KIF26B: variants seen among roughly 807,000 people sequenced by gnomAD.
The protein encoded by KIF26B is kinesin family member 26B.
KIF26B carries 63 observed loss-of-function variants against 151.2 expected under a neutral mutation model. The ratio of observed to expected loss-of-function variants is 0.42; its 90% CI spans 0.34 to 0.51. The LOEUF (loss-of-function observed/expected upper bound fraction) is 0.51, where lower values mean the gene tolerates loss of function less well. Ranked by LOEUF, KIF26B falls within the 20% of genes least tolerant of loss-of-function variation. KIF26B has a pLI of 0.07. For synonymous variants in KIF26B, 1,357 were observed against 1,262.1 expected (o/e 1.08, Z -1.59); for missense variants, 2,813 against 2,913.6 (o/e 0.97, Z 0.79).
At chr1:245,668,742 T>C (rs1011391160) in intron 10 of KIF26B, among the ~76,000 whole-genome samples, 1 of 152,022 alleles carries the variant, frequency 6.6e-6, no homozygotes, top group Non-Finnish European at 1.5e-5. Context: ...CAGGCTGGAG[T>C]GCAGTGGCAC....
intron 4 of KIF26B, among the ~76,000 whole-genome samples, chr1:245,423,608 T>C (rs2103038000): frequency 6.6e-6 from 1 of 151,994 alleles, no homozygotes; most frequent in African/African-American, 2.4e-5. Context: ...AAACCCCCAA[T>C]TTGTTGAAGA....
intron 2 of KIF26B, among the ~76,000 whole-genome samples, chr1:245,182,216 A>G (rs992103495): frequency 1.3e-5 from 2 of 152,228 alleles, no homozygotes; most frequent in African/African-American, 4.8e-5. Flanking sequence ...ATGGCCCATT[A>G]TCAGTCAGTC....
At chr1:245,445,793 T>C (rs887656318) in intron 4 of KIF26B, among the ~76,000 whole-genome samples, 1 of 152,164 alleles carries the variant, frequency 6.6e-6, no homozygotes, top group African/African-American at 2.4e-5. Context: ...TGGCTACCTT[T>C]ACACCCATCA....
At chr1:245,411,244 C>T (rs1264677342) in intron 3 of KIF26B, among the ~76,000 whole-genome samples, 1 of 152,210 alleles carries the variant, frequency 6.6e-6, no homozygotes, top group Admixed American at 6.5e-5. Context: ...TTCTGGGTAG[C>T]TCTGGTGTGC....
At chr1:245,354,081 G>C (rs1672628720) in intron 2 of KIF26B, among the ~76,000 whole-genome samples, 1 of 152,048 alleles carries the variant, frequency 6.6e-6, no homozygotes, top group African/African-American at 2.4e-5. Context: ...TCAGCCTGGG[G>C]CACCTCCCGC....
chr1:245,286,108 G>C (rs574074600), intron 2 of KIF26B, among the ~76,000 whole-genome samples: 15 of 152,214 alleles, frequency 9.9e-5, no homozygotes, highest in African/African-American at 2.9e-4. Flanking sequence ...GGCAGGGTAG[G>C]GCTCCTGAGA....
intron 2 of KIF26B, among the ~76,000 whole-genome samples, chr1:245,266,515 C>CTT (rs539399417): frequency 2.7e-5 from 4 of 146,602 alleles, no homozygotes; most frequent in Admixed American, 2.0e-4. Flanking sequence ...TTCTTTCTTT[C>CTT]TTTTTTTTTT....
rs1016945032 is a variant in KIF26B, at chr1:245,705,307, C to A, written c.*2701C>A. The A allele has an allele frequency of 6.6e-6, 1 of 152,156 alleles. No individual in the cohort carries two copies. Among genetic ancestry groups the A allele is most frequent in the Admixed American group, 6.5e-5 (1 of 15,286 alleles). The allele number at this position is 152,156 out of a possible 1,614,324, so 9.4% of individuals were successfully genotyped here. ...TTTTTTGACCTAAATAAGCTGCAAACATGTTAATTTACCAATATTGATAAA... is the reference window on the plus strand; with the variant it reads ...TTTTTTGACCTAAATAAGCTGCAAAAATGTTAATTTACCAATATTGATAAA... On this transcript the variant is annotated 3_prime_UTR_variant, in exon 15 of 15. Transcript: ENST00000407071.
chr1:245,443,264 G>C (rs1439450120), intron 4 of KIF26B, among the ~76,000 whole-genome samples: 1 of 134,188 alleles, frequency 7.5e-6, no homozygotes, highest in African/African-American at 2.9e-5. Flanking sequence ...TTAGAGGAGA[G>C]GTCATCTCCC....
At chr1:245,176,037 C>A (rs547486764) in intron 2 of KIF26B, among the ~76,000 whole-genome samples, 1 of 151,344 alleles carries the variant, frequency 6.6e-6, no homozygotes, top group Non-Finnish European at 1.5e-5. Flanking sequence ...GACAGAGTCT[C>A]ACTCTTGTTG....
chr1:245,169,797 G>A (rs1668680187), intron 2 of KIF26B, among the ~76,000 whole-genome samples: 1 of 152,062 alleles, frequency 6.6e-6, no homozygotes, highest in Non-Finnish European at 1.5e-5. Context: ...CCTCCATAAT[G>A]CCCCTTTATG....
intron 2 of KIF26B, among the ~76,000 whole-genome samples, chr1:245,222,486 C>G (rs1033801349): frequency 6.6e-6 from 1 of 152,050 alleles, no homozygotes; most frequent in Non-Finnish European, 1.5e-5. Context: ...TAGAGGCTTA[C>G]ACAATTAATT....
In KIF26B at chr1:245,423,120, A is replaced by AAAG. The variant is rs1553273079; in HGVS notation, c.1166+3375_1166+3376insAAG. ...CTCAAAAAAAAAAAAAAAAAAGGAA[A>AAAG]GAAAGAAAGAAAGAAGCAACAGCTA... On this transcript the variant is annotated intron_variant, in intron 4 of 14. Coordinates refer to ENST00000407071, the MANE Select transcript of KIF26B (RefSeq NM_018012.4). 2.3e-3 allele frequency among the ~76,000 whole-genome samples: 331 copies of AAAG among 146,064 alleles called. 4 individuals are homozygous for AAAG. The highest frequency in any genetic ancestry group is 7.7e-3 in the African/African-American group (294 of 38,312).
chr1:245,458,761 C>T (rs529648330), intron 4 of KIF26B, among the ~76,000 whole-genome samples: 1 of 152,320 alleles, frequency 6.6e-6, no homozygotes, highest in South Asian at 2.1e-4. Flanking sequence ...GTCTTCTGAC[C>T]AGATTCTTTG....
chr1:245,421,517 T>C (rs1351217615), intron 4 of KIF26B, among the ~76,000 whole-genome samples: 1 of 152,082 alleles, frequency 6.6e-6, no homozygotes, highest in Non-Finnish European at 1.5e-5. Flanking sequence ...AGATCAAAGT[T>C]ATGTTGAGTA....
intron 2 of KIF26B, among the ~76,000 whole-genome samples, chr1:245,291,538 A>G (rs1671252882): frequency 6.6e-6 from 1 of 152,074 alleles, no homozygotes; most frequent in Admixed American, 6.6e-5. Flanking sequence ...CCTCCTATTC[A>G]ATGGGTGATA....
At chr1:245,338,540 C>T (rs1171065251) in intron 2 of KIF26B, among the ~76,000 whole-genome samples, 5 of 152,202 alleles carry the variant, frequency 3.3e-5, no homozygotes, top group East Asian at 1.9e-4. Context: ...TTCACTTGCA[C>T]GCATTACCAA....
intron 2 of KIF26B, among the ~76,000 whole-genome samples, chr1:245,364,424 T>TC (rs1672895254): frequency 1.1e-5 from 1 of 91,420 alleles, no homozygotes; most frequent in African/African-American, 8.7e-5. Context: ...CTCTCTCTCT[T>TC]TTTTTTTTTT....
intron 10 of KIF26B, among the ~76,000 whole-genome samples, chr1:245,651,401 C>T (rs2044013974): frequency 6.6e-6 from 1 of 152,200 alleles, no homozygotes; most frequent in Admixed American, 6.5e-5. Context: ...CCAGCATTGG[C>T]AGGAACTTCA....
Sources: gnomAD v4.1 joint callset for allele counts (sites outside exome capture counted in the v4.1 genomes callset) on GRCh38, gnomAD v4.1.1 for gene constraint, MANE v1.5 for transcripts, NCBI Gene and HGNC (gene_info 2026-07-23, HGNC 2026-07-21) for gene names.